Variants in ARHGAP32 observed in about 807,000 individuals in gnomAD.
ARHGAP32 encodes the protein Rho GTPase activating protein 32.
ARHGAP32 carries 51 observed loss-of-function variants against 186.5 expected under a neutral mutation model. The ratio of observed to expected loss-of-function variants is 0.27; its 90% confidence interval spans 0.22 to 0.35. ARHGAP32 has a LOEUF of 0.35. Among genes scored for constraint, ARHGAP32 ranks in the 10% least tolerant of loss-of-function variants. The pLI, the probability that ARHGAP32 is intolerant of heterozygous loss-of-function variation, is 1.00. For missense variants in ARHGAP32, 2,186 were observed against 2,623.5 expected (o/e 0.83, Z 3.64); for synonymous variants, 950 against 964.3 (o/e 0.99, Z 0.27).
intron 1 of ARHGAP32, among the ~76,000 whole-genome samples, chr11:129,235,394 C>T (rs1414777880): frequency 6.6e-6 from 1 of 152,190 alleles, no homozygotes; most frequent in Non-Finnish European, 1.5e-5. Context: ...AGCTCCTACC[C>T]TTAGGTACTA....
At chr11:129,198,731 C>T (rs1209149308) in intron 1 of ARHGAP32, among the ~76,000 whole-genome samples, 1 of 151,992 alleles carries the variant, frequency 6.6e-6, no homozygotes, top group Non-Finnish European at 1.5e-5. Flanking sequence ...CAGACTAATA[C>T]AGTAAACTGG....
chr11:129,230,053 G>C (rs546820070), intron 1 of ARHGAP32, among the ~76,000 whole-genome samples: 1 of 152,060 alleles, frequency 6.6e-6, no homozygotes, highest in Admixed American at 6.6e-5. Context: ...GGGCACAAGC[G>C]ATCTGCCTGT....
At chr11:129,000,875 CAA>C (rs971247988) in intron 11 of ARHGAP32, among the ~76,000 whole-genome samples, 17 of 152,184 alleles carry the variant, frequency 1.1e-4, no homozygotes, top group African/African-American at 4.1e-4. Flanking sequence ...TGAGAATGTA[CAA>C]AGTTTATCTT....
intron 1 of ARHGAP32, among the ~76,000 whole-genome samples, chr11:129,257,302 G>A (rs1945266634): frequency 6.6e-6 from 1 of 152,086 alleles, no homozygotes; most frequent in Non-Finnish European, 1.5e-5. Context: ...GCAATTCTCT[G>A]TGGTACAAGT....
chr11:129,259,624 T>C (rs1160682956), intron 1 of ARHGAP32, among the ~76,000 whole-genome samples: 2 of 151,602 alleles, frequency 1.3e-5, no homozygotes, highest in Non-Finnish European at 1.5e-5. Context: ...TAGAAGCATT[T>C]TCCAACCATA....
At chr11:129,217,820 A>G (rs1944664489) in intron 1 of ARHGAP32, among the ~76,000 whole-genome samples, 1 of 152,224 alleles carries the variant, frequency 6.6e-6, no homozygotes, top group African/African-American at 2.4e-5. Context: ...TTTGCAAAAT[A>G]GTTAAAAGCA....
At chr11:128,995,695 T>G (rs1300557812) in intron 12 of ARHGAP32, among the ~76,000 whole-genome samples, 2 of 152,134 alleles carry the variant, frequency 1.3e-5, no homozygotes, top group East Asian at 3.9e-4. Context: ...AAAAATTAGC[T>G]GGGTGTGGTG....
At position 129,050,477 on chromosome 11, in the gene ARHGAP32, A is replaced by T. The variant is rs1939998051; in HGVS notation, c.964-9468T>A. ...TGCCTCAGCCTCCCAAGTAGCCGGG[A>T]CTACAGGCACATGCTACTGAGCTTG... is the stretch of plus-strand genomic sequence containing the variant. On this transcript the variant is annotated intron_variant, in intron 10 of 22. Transcript: ENST00000682385. 2.0e-5 allele frequency among the ~76,000 whole-genome samples: 3 copies of T among 152,182 alleles called. 1 individual carries two copies. The South Asian group carries it at 6.2e-4, about 31-fold the overall frequency.
At chr11:129,072,474 A>G (rs1449973078) in intron 6 of ARHGAP32, among the ~76,000 whole-genome samples, 1 of 152,178 alleles carries the variant, frequency 6.6e-6, no homozygotes, top group Admixed American at 6.5e-5. Context: ...AACAAGTAAA[A>G]AGCTGAACAA....
chr11:129,199,081 T>C (rs1452751689), intron 1 of ARHGAP32, among the ~76,000 whole-genome samples: 1 of 152,114 alleles, frequency 6.6e-6, no homozygotes, highest in African/African-American at 2.4e-5. Context: ...GGGAGATGAT[T>C]TAGGGTATCT....
chr11:129,014,426 A>C (rs1277945110), intron 11 of ARHGAP32, among the ~76,000 whole-genome samples: 1 of 152,160 alleles, frequency 6.6e-6, no homozygotes, highest in African/African-American at 2.4e-5. Context: ...CTTGCTCATA[A>C]TACTTTCTCT....
intron 12 of ARHGAP32, among the ~76,000 whole-genome samples, chr11:128,995,172 A>G (rs1405956912): frequency 6.6e-6 from 1 of 152,174 alleles, no homozygotes; most frequent in Admixed American, 6.5e-5. Context: ...ATTTATAGAT[A>G]ATATTTTTCA....
At chr11:128,983,265 T>C (rs569440138) in intron 15 of ARHGAP32, among the ~76,000 whole-genome samples, 148 of 152,322 alleles carry the variant, frequency 9.7e-4, no homozygotes, top group Non-Finnish European at 1.8e-3. Context: ...GGCATTGTAG[T>C]TGCTTTACAG....
At chr11:129,206,894 T>A (rs916502477) in intron 1 of ARHGAP32, among the ~76,000 whole-genome samples, 1 of 152,092 alleles carries the variant, frequency 6.6e-6, no homozygotes, top group Non-Finnish European at 1.5e-5. Flanking sequence ...CCTAATGCTA[T>A]CCCTCCCATA....
chr11:129,090,930 T>C (rs1941560101), intron 6 of ARHGAP32, among the ~76,000 whole-genome samples: 1 of 152,154 alleles, frequency 6.6e-6, no homozygotes, highest in African/African-American at 2.4e-5. Flanking sequence ...TCAAACTAAA[T>C]ACATTAACTT....
At chr11:129,000,091 C>T (rs1461485199) in intron 11 of ARHGAP32, among the ~76,000 whole-genome samples, 2 of 152,130 alleles carry the variant, frequency 1.3e-5, no homozygotes, top group Non-Finnish European at 2.9e-5. Context: ...TGACACAGAA[C>T]ACACTTGTCA....
intron 10 of ARHGAP32, among the ~76,000 whole-genome samples, chr11:129,057,084 G>C (rs1245407219): frequency 6.6e-6 from 1 of 152,184 alleles, no homozygotes; most frequent in African/African-American, 2.4e-5. Context: ...ACCAGAGCCA[G>C]GCGAGCTGGC....
chr11:129,246,521 C>T (rs1406160086), intron 1 of ARHGAP32, among the ~76,000 whole-genome samples: 1 of 152,050 alleles, frequency 6.6e-6, no homozygotes, highest in Non-Finnish European at 1.5e-5. Context: ...AAGCCAATAC[C>T]TCGAAATCCA....
chr11:129,258,503 A>G (rs974761529), intron 1 of ARHGAP32, among the ~76,000 whole-genome samples: 2 of 151,958 alleles, frequency 1.3e-5, no homozygotes, highest in Non-Finnish European at 2.9e-5. Flanking sequence ...CTCCCACTCT[A>G]TCCACCATTT....
Sources: gnomAD v4.1 joint callset for allele counts (sites outside exome capture counted in the v4.1 genomes callset) on GRCh38, gnomAD v4.1.1 for gene constraint, MANE v1.5 for transcripts, NCBI Gene and HGNC (gene_info 2026-07-23, HGNC 2026-07-21) for gene names.